ADGRL3: variants seen among roughly 807,000 people sequenced by gnomAD.
ADGRL3 encodes calcium-independent alpha-latrotoxin receptor 3.
A neutral mutation model predicts 153.5 loss-of-function variants in ADGRL3; 62 were observed. That is an observed-to-expected ratio of 0.40 (90% CI 0.33 to 0.50). The LOEUF (loss-of-function observed/expected upper bound fraction) is 0.50. Ranked by LOEUF, ADGRL3 falls within the 20% of genes least tolerant of loss-of-function variation. ADGRL3 has a pLI of 0.47. For synonymous variants in ADGRL3, 710 were observed against 672.5 expected (o/e 1.06, Z -0.86); for missense variants, 1,641 against 1,859.4 (o/e 0.88, Z 2.16).
chr4:61,698,632 A>C (rs191805892), intron 6 of ADGRL3, among the ~76,000 whole-genome samples: 32 of 152,268 alleles, frequency 2.1e-4, no homozygotes, highest in Non-Finnish European at 4.3e-4. Flanking sequence ...TATACATGAA[A>C]TAAATTGTTT....
intron 2 of ADGRL3, among the ~76,000 whole-genome samples, chr4:61,407,091 G>A (rs1328124756): frequency 6.6e-6 from 1 of 152,072 alleles, no homozygotes; most frequent in East Asian, 1.9e-4. Flanking sequence ...TCAGCAGGAT[G>A]TCTGTAATTG....
chr4:61,803,207 G>A (rs2097520544), intron 8 of ADGRL3, among the ~76,000 whole-genome samples: 1 of 151,964 alleles, frequency 6.6e-6, no homozygotes, highest in African/African-American at 2.4e-5. Context: ...TTTTCATACA[G>A]GAGTTATGTG....
intron 1 of ADGRL3, among the ~76,000 whole-genome samples, chr4:61,377,111 C>T (rs1025158791): frequency 6.6e-6 from 1 of 151,996 alleles, no homozygotes; most frequent in Non-Finnish European, 1.5e-5. Context: ...TCTTCCGTTC[C>T]CTTCTTTTGC....
intron 1 of ADGRL3, among the ~76,000 whole-genome samples, chr4:61,247,464 A>G (rs1262166568): frequency 2.6e-5 from 4 of 152,060 alleles, no homozygotes; most frequent in African/African-American, 9.7e-5. Flanking sequence ...GGATAAAATC[A>G]TTATCTGCAT....
chr4:61,268,960 G>A (rs1197432331), intron 1 of ADGRL3, among the ~76,000 whole-genome samples: 1 of 151,632 alleles, frequency 6.6e-6, no homozygotes, highest in Admixed American at 6.6e-5. Flanking sequence ...GAAGAGAATG[G>A]TAAGTGATAC....
At chr4:61,715,236 C>T (rs1037021013) in intron 6 of ADGRL3, among the ~76,000 whole-genome samples, 1 of 152,130 alleles carries the variant, frequency 6.6e-6, no homozygotes, top group African/African-American at 2.4e-5. Context: ...CTGGTTAACA[C>T]TGTAATTGAA....
rs1353251090 is a variant in ADGRL3, at chr4:62,071,091, A to G, written c.*183A>G. On this transcript the variant is annotated 3_prime_UTR_variant, in exon 27 of 27. Transcript: ENST00000683033. Reference sequence around the variant, plus strand: ...TTTTAGGTCAGCCCAGGGGAGAAAGATAACTGCTAAAATTCCCCTGTACCC... The same window carrying G: ...TTTTAGGTCAGCCCAGGGGAGAAAGGTAACTGCTAAAATTCCCCTGTACCC... 3.1e-5 allele frequency: 17 copies of G among 550,290 alleles called. No individual in the cohort carries two copies. Among genetic ancestry groups the G allele is most frequent in the Non-Finnish European group, 5.4e-5 (17 of 315,928 alleles). The allele number at this position is 550,290 out of a possible 1,614,324, so 34.1% of individuals were successfully genotyped here.
chr4:61,823,040 C>T (rs1186798376), intron 9 of ADGRL3, among the ~76,000 whole-genome samples: 1 of 152,058 alleles, frequency 6.6e-6, no homozygotes, highest in Non-Finnish European at 1.5e-5. Flanking sequence ...AGAAAGTCAC[C>T]GGGATTAGTA....
intron 4 of ADGRL3, among the ~76,000 whole-genome samples, chr4:61,544,509 C>T (rs1427254085): frequency 6.6e-6 from 1 of 152,082 alleles, no homozygotes; most frequent in Non-Finnish European, 1.5e-5. Flanking sequence ...TGTCTATCTC[C>T]CTTTAGATAC....
chr4:61,755,544 A>G (rs1298679390), intron 8 of ADGRL3, among the ~76,000 whole-genome samples: 4 of 152,200 alleles, frequency 2.6e-5, no homozygotes, highest in South Asian at 2.1e-4. Flanking sequence ...AGTAGATTGC[A>G]AAAATTTTCT....
At chr4:61,846,242 A>G (rs2098114964) in intron 9 of ADGRL3, among the ~76,000 whole-genome samples, 1 of 151,990 alleles carries the variant, frequency 6.6e-6, no homozygotes, top group African/African-American at 2.4e-5. Context: ...TCTTGAGCCC[A>G]GAAGTTTGAG....
intron 2 of ADGRL3, among the ~76,000 whole-genome samples, chr4:61,442,933 G>C (rs1218142494): frequency 1.3e-5 from 2 of 152,258 alleles, no homozygotes; most frequent in East Asian, 3.9e-4. Context: ...TCAAGCCACT[G>C]ACTGCTGTGG....
Position 62,006,003 on chromosome 4 carries a change from C to CACACAT in ADGRL3, c.3395+7739_3395+7740insCACATA, listed in dbSNP as rs1230956055. ...ACACACACACACACACACACACACACATATATATATATATATATATATATA... is the reference window on the plus strand; with the variant it reads ...ACACACACACACACACACACACACACACACATATATATATATATATATATATATATA... On this transcript the variant is annotated intron_variant, in intron 21 of 26. Coordinates refer to ENST00000683033, the MANE Select transcript of ADGRL3 (RefSeq NM_001387552.1). Among the ~76,000 whole-genome samples, 58 of 48,982 alleles carry CACACAT rather than the reference C, an allele frequency of 1.2e-3. 1 individual carries two copies. In the East Asian group the frequency reaches 0.013, roughly 11 times the overall value. 32.1% of individuals were successfully genotyped at this position (48,982 alleles called of 152,430 possible).
intron 8 of ADGRL3, among the ~76,000 whole-genome samples, chr4:61,809,479 A>G (rs938229855): frequency 6.6e-6 from 1 of 152,054 alleles, no homozygotes; most frequent in African/African-American, 2.4e-5. Flanking sequence ...ATCCTTTTAG[A>G]GTTTCTCATA....
At chr4:61,798,475 GAAAC>G (rs1442593563) in intron 8 of ADGRL3, among the ~76,000 whole-genome samples, 1 of 152,132 alleles carries the variant, frequency 6.6e-6, no homozygotes, top group Admixed American at 6.6e-5. Context: ...GCAGATGTGT[GAAAC>G]AAAATCATCT....
At chr4:61,986,148 C>G (rs1174669777) in intron 19 of ADGRL3, among the ~76,000 whole-genome samples, 2 of 152,044 alleles carry the variant, frequency 1.3e-5, no homozygotes, top group African/African-American at 4.8e-5. Context: ...AAAGAAACCC[C>G]TAGCAGTCAT....
chr4:61,648,274 T>C (rs1036643811), intron 5 of ADGRL3, among the ~76,000 whole-genome samples: 6 of 151,674 alleles, frequency 4.0e-5, no homozygotes, highest in African/African-American at 1.5e-4. Flanking sequence ...AAATAAAATA[T>C]GTAAAAGAAG....
At chr4:61,432,916 G>C (rs1224627239) in intron 2 of ADGRL3, among the ~76,000 whole-genome samples, 6 of 151,488 alleles carry the variant, frequency 4.0e-5, no homozygotes, top group African/African-American at 1.5e-4. Flanking sequence ...ACCTCCCAAA[G>C]TGCTGGGATT....
rs147195146 is a variant in ADGRL3 at position 61,365,494 on chromosome 4, T to C, written c.-239-17630T>C. 6.5e-4 allele frequency among the ~76,000 whole-genome samples: 99 copies of C among 152,340 alleles called. No homozygotes were observed. In the East Asian group the frequency reaches 0.018, roughly 28 times the overall value. On this transcript the variant is annotated intron_variant, in intron 1 of 26. Transcript: ENST00000683033. Reference sequence around the variant, plus strand: ...TGGAGGCAAGGGAAAGGTATCTGCCTTGGTGCCTCACTTACCCTGTGTTTT... The same window carrying C: ...TGGAGGCAAGGGAAAGGTATCTGCCCTGGTGCCTCACTTACCCTGTGTTTT...
Sources: gnomAD v4.1 joint callset for allele counts (sites outside exome capture counted in the v4.1 genomes callset) on GRCh38, gnomAD v4.1.1 for gene constraint, MANE v1.5 for transcripts, NCBI Gene and HGNC (gene_info 2026-07-23, HGNC 2026-07-21) for gene names.